Variants in GPC6 observed in about 807,000 individuals in gnomAD.
GPC6 encodes the protein glypican-6.
In GPC6, 14 loss-of-function variants were observed where a neutral mutation model predicts 55.2. That is an observed-to-expected ratio of 0.25 (90% CI 0.17 to 0.40). The LOEUF (loss-of-function observed/expected upper bound fraction) is 0.40. Among genes scored for constraint, GPC6 ranks in the 10% least tolerant of loss-of-function variants. GPC6 has a pLI of 1.00. For missense variants in GPC6, 641 were observed against 708.5 expected (o/e 0.90, Z 1.08); for synonymous variants, 278 against 259.6 (o/e 1.07, Z -0.68).
At chr13:93,773,600 A>G (rs1411411998) in intron 2 of GPC6, among the ~76,000 whole-genome samples, 1 of 152,054 alleles carries the variant, frequency 6.6e-6, no homozygotes, top group Non-Finnish European at 1.5e-5. Flanking sequence ...TCTCTGCAAA[A>G]TTCCTTAGCT....
chr13:93,538,715 T>G (rs1250804195), intron 1 of GPC6, among the ~76,000 whole-genome samples: 1 of 152,184 alleles, frequency 6.6e-6, no homozygotes, highest in Non-Finnish European at 1.5e-5. Flanking sequence ...AGGAACTGAC[T>G]GAGAAAGTCA....
intron 2 of GPC6, among the ~76,000 whole-genome samples, chr13:93,577,377 A>G (rs1024330724): frequency 2.0e-5 from 3 of 152,128 alleles, no homozygotes; most frequent in African/African-American, 7.2e-5. Context: ...GCACATGGCT[A>G]TGTGATCATA....
At chr13:93,573,125 G>A (rs1294408993) in intron 2 of GPC6, among the ~76,000 whole-genome samples, 3 of 151,984 alleles carry the variant, frequency 2.0e-5, no homozygotes, top group Non-Finnish European at 4.4e-5. Context: ...AGGCACTTGA[G>A]ATATTTATCA....
At chr13:94,394,395 C>T (rs866879533) in intron 7 of GPC6, among the ~76,000 whole-genome samples, 6 of 152,218 alleles carry the variant, frequency 3.9e-5, no homozygotes, top group Non-Finnish European at 7.3e-5. Flanking sequence ...AACATGGGCT[C>T]TCTGTGCCAA....
chr13:93,761,308 G>T (rs1484312298), intron 2 of GPC6, among the ~76,000 whole-genome samples: 2 of 152,128 alleles, frequency 1.3e-5, no homozygotes, highest in African/African-American at 4.8e-5. Context: ...ACTCTGCTAT[G>T]TAGTATATGA....
chr13:94,208,753 C>CAAAAAAA (rs762261930), intron 4 of GPC6, among the ~76,000 whole-genome samples: 4 of 36,228 alleles, frequency 1.1e-4, no homozygotes, highest in African/African-American at 1.1e-4. Context: ...TCCCATCTCC[C>CAAAAAAA]AAAAAAAAAA....
chr13:93,902,026 A>T (rs754855676), intron 3 of GPC6, among the ~76,000 whole-genome samples: 1 of 152,144 alleles, frequency 6.6e-6, no homozygotes, highest in East Asian at 1.9e-4. Flanking sequence ...GCAATTTAGC[A>T]TATCTATAAA....
At chr13:93,459,535 C>A (rs9301882) in intron 1 of GPC6, among the ~76,000 whole-genome samples, 4 of 152,008 alleles carry the variant, frequency 2.6e-5, no homozygotes, top group Non-Finnish European at 5.9e-5. Context: ...AACAGTAGAC[C>A]TGTATTTGCA....
rs557029046 is a variant in GPC6, at chr13:93,313,563, G to A, written c.160+85947G>A. ...TCTAGACACTTTATTGTGAAAACTA[G>A]AAATTTTTCCTATCCACTCCGGTGT... On this transcript the variant is annotated intron_variant, in intron 1 of 8. Transcript: ENST00000377047. Among the ~76,000 whole-genome samples, 14 of 152,188 alleles carry A rather than the reference G, an allele frequency of 9.2e-5. No individual in the cohort carries two copies. The East Asian group carries it at 2.5e-3, about 27-fold the overall frequency.
rs937526030 is a variant in GPC6, at chr13:93,816,247, T to A, written c.320-13907T>A. On this transcript the variant is annotated intron_variant, in intron 2 of 8. Coordinates refer to ENST00000377047, the MANE Select transcript of GPC6 (RefSeq NM_005708.5). ...TCTGCCAAGAAATAGATGGAAATTA[T>A]CTATATTTTAAAAAGCATTCATTAC... 5.5e-4 allele frequency among the ~76,000 whole-genome samples: 84 copies of A among 152,264 alleles called. 1 individual carries two copies. Among genetic ancestry groups the A allele is most frequent in the African/African-American group, 1.6e-3 (67 of 41,576 alleles).
intron 4 of GPC6, among the ~76,000 whole-genome samples, chr13:94,266,030 T>C: frequency 6.6e-6 from 1 of 152,204 alleles, no homozygotes; most frequent in East Asian, 1.9e-4. Context: ...CACTGGATGT[T>C]TCCGCTAGGT....
At chr13:93,387,922 A>G (rs1875468435) in intron 1 of GPC6, among the ~76,000 whole-genome samples, 1 of 152,136 alleles carries the variant, frequency 6.6e-6, no homozygotes, top group African/African-American at 2.4e-5. Flanking sequence ...TATTTATACT[A>G]ACAATTTTAG....
In GPC6 at chr13:93,626,977, A is replaced by AAG. The variant is rs541677400; in HGVS notation, c.319+81567_319+81568dup. ...TGTCTTACATGGCTGGATCAGGATGAAGAGAGAGAGAGGGAAGTGCTACAC... is the reference window on the plus strand; with the variant it reads ...TGTCTTACATGGCTGGATCAGGATGAAGAGAGAGAGAGAGGGAAGTGCTACAC... On this transcript the variant is annotated intron_variant, in intron 2 of 8. Coordinates refer to ENST00000377047, the MANE Select transcript of GPC6 (RefSeq NM_005708.5). Among the ~76,000 whole-genome samples the AAG allele has an allele frequency of 9.9e-5, 15 of 151,796 alleles. No individual in the cohort carries two copies. In the South Asian group the frequency reaches 2.7e-3, roughly 27 times the overall value.
At chr13:93,532,715 A>T (rs1881915705) in intron 1 of GPC6, among the ~76,000 whole-genome samples, 1 of 152,160 alleles carries the variant, frequency 6.6e-6, no homozygotes, top group Non-Finnish European at 1.5e-5. Context: ...GCTTCTCTGA[A>T]ACAGGAAAGT....
chr13:94,188,630 C>T (rs144952375), intron 4 of GPC6, among the ~76,000 whole-genome samples: 1,550 of 152,166 alleles, frequency 0.01, 15 homozygotes, highest in Non-Finnish European at 0.014. Flanking sequence ...TGGTGGATGC[C>T]GTGAGGTGTC....
chr13:93,513,269 C>T (rs975705528), intron 1 of GPC6, among the ~76,000 whole-genome samples: 5 of 152,130 alleles, frequency 3.3e-5, no homozygotes, highest in African/African-American at 1.2e-4. Flanking sequence ...TCATTCTTAC[C>T]ACCTCACCTC....
At chr13:93,439,594 G>A (rs1285655461) in intron 1 of GPC6, among the ~76,000 whole-genome samples, 1 of 151,446 alleles carries the variant, frequency 6.6e-6, no homozygotes, top group Non-Finnish European at 1.5e-5. Context: ...CCCGGGAGGT[G>A]GACATTGCAG....
At chr13:93,482,070 T>C (rs1325914053) in intron 1 of GPC6, among the ~76,000 whole-genome samples, 8 of 152,156 alleles carry the variant, frequency 5.3e-5, no homozygotes, top group Non-Finnish European at 1.2e-4. Context: ...CTTATTTAGG[T>C]CTTTAATTTA....
At chr13:94,109,165 A>G (rs1280071987) in intron 4 of GPC6, among the ~76,000 whole-genome samples, 3 of 152,230 alleles carry the variant, frequency 2.0e-5, no homozygotes, top group African/African-American at 7.2e-5. Flanking sequence ...GTTTGCAATA[A>G]GCAGAGATCG....
Sources: gnomAD v4.1 joint callset for allele counts (sites outside exome capture counted in the v4.1 genomes callset) on GRCh38, gnomAD v4.1.1 for gene constraint, MANE v1.5 for transcripts, NCBI Gene and HGNC (gene_info 2026-07-23, HGNC 2026-07-21) for gene names.